Variants in SKAP2 observed in about 807,000 individuals in gnomAD.
SKAP2 encodes src kinase-associated phosphoprotein 2.
Under a neutral mutation model 54.9 loss-of-function variants are expected in SKAP2, and 28 were observed. The observed-to-expected ratio is 0.51, with a 90% CI of 0.38 to 0.70. The LOEUF (loss-of-function observed/expected upper bound fraction) is 0.70, where lower values mean the gene tolerates loss of function less well. Among genes scored for constraint, SKAP2 ranks in the 30% least tolerant of loss-of-function variants. The probability of loss-of-function intolerance (pLI) is 0.00; values close to 1 mark genes in which losing one functional copy is unlikely to be tolerated. For missense variants in SKAP2, 356 were observed against 424.1 expected (o/e 0.84, Z 1.41); for synonymous variants, 137 against 134.3 (o/e 1.02, Z -0.14).
chr7:26,735,836 C>T (rs1264435885), intron 6 of SKAP2, among the ~76,000 whole-genome samples: 1 of 152,070 alleles, frequency 6.6e-6, no homozygotes, highest in African/African-American at 2.4e-5. Context: ...CGGGATCATG[C>T]CAAACAAGTA....
At chr7:26,723,815 T>C (rs770997258) in intron 9 of SKAP2, among the ~76,000 whole-genome samples, 2 of 152,166 alleles carry the variant, frequency 1.3e-5, no homozygotes, top group African/African-American at 2.4e-5. Flanking sequence ...TTTAAAAGGA[T>C]GTAATGGCAG....
intron 9 of SKAP2, among the ~76,000 whole-genome samples, chr7:26,720,057 C>T (rs78655176): frequency 5.8e-5 from 7 of 121,048 alleles, no homozygotes; most frequent in Non-Finnish European, 1.3e-4. Flanking sequence ...CTGTAACACA[C>T]ACACACACAC....
At chr7:26,768,186 G>A (rs1297357025) in intron 4 of SKAP2, among the ~76,000 whole-genome samples, 3 of 151,968 alleles carry the variant, frequency 2.0e-5, no homozygotes, top group Non-Finnish European at 4.4e-5. Flanking sequence ...TCTTCCTGTT[G>A]CATGGATCCC....
downstream of SKAP2, among the ~76,000 whole-genome samples, chr7:26,665,084 C>T (rs1786081606): frequency 6.6e-6 from 1 of 152,162 alleles, no homozygotes; most frequent in African/African-American, 2.4e-5. Flanking sequence ...AAACTTCCCA[C>T]TTACTTGCAC....
chr7:26,855,880 A>G (rs1785152085), intron 1 of SKAP2, among the ~76,000 whole-genome samples: 1 of 152,146 alleles, frequency 6.6e-6, no homozygotes, highest in Non-Finnish European at 1.5e-5. Flanking sequence ...GCTATAAATC[A>G]TTGATTATTT....
intron 4 of SKAP2, among the ~76,000 whole-genome samples, chr7:26,764,635 T>G (rs1230125951): frequency 1.3e-5 from 2 of 152,176 alleles, no homozygotes; most frequent in African/African-American, 4.8e-5. Context: ...GGGTTACATG[T>G]ACAGAATGTG....
intron 4 of SKAP2, among the ~76,000 whole-genome samples, chr7:26,798,512 CG>C (rs1211329790): frequency 6.6e-6 from 1 of 151,784 alleles, no homozygotes; most frequent in African/African-American, 2.4e-5. Context: ...GAAATGCAAC[CG>C]GAAGTACTTC....
chr7:26,732,794 T>C (rs1262149690), intron 6 of SKAP2, among the ~76,000 whole-genome samples: 1 of 152,188 alleles, frequency 6.6e-6, no homozygotes, highest in Non-Finnish European at 1.5e-5. Flanking sequence ...TTGAAATATA[T>C]CTCTGGGGTT....
chr7:26,673,360 G>A (rs568328310), intron 11 of SKAP2, among the ~76,000 whole-genome samples: 1 of 152,138 alleles, frequency 6.6e-6, no homozygotes, highest in African/African-American at 2.4e-5. Flanking sequence ...AACCATTCTA[G>A]TCAATTTATA....
chr7:26,684,829 A>G lies in SKAP2; in HGVS notation c.894T>C (p.Tyr298=). Residue 298 remains tyrosine, a synonymous_variant, in exon 11 of 13, where the codon TAT becomes TAC. Coordinates refer to ENST00000345317, the MANE Select transcript of SKAP2 (RefSeq NM_003930.5). ...CCCACAATCCCTGGTAAAAATTAGC[A>G]TAATCAGTGCTCTTATCCCCTAGGA... ...HHTSGDKSTD[Y]ANFYQGLWDC... The G allele has an allele frequency of 6.2e-7, 1 of 1,609,388 alleles. No homozygotes were observed. The highest frequency in any genetic ancestry group is 8.5e-7 in the Non-Finnish European group (1 of 1,175,980).
intron 4 of SKAP2, among the ~76,000 whole-genome samples, chr7:26,771,264 G>A (rs997800222): frequency 2.0e-5 from 3 of 152,080 alleles, no homozygotes; most frequent in Non-Finnish European, 4.4e-5. Flanking sequence ...AGGTACACTC[G>A]CCTATTGTAA....
At chr7:26,698,659 C>T (rs1424398886) in intron 9 of SKAP2, among the ~76,000 whole-genome samples, 1 of 152,200 alleles carries the variant, frequency 6.6e-6, no homozygotes, top group Non-Finnish European at 1.5e-5. Context: ...GCGTAAGAAT[C>T]TGAGTGTTGA....
In SKAP2 at chr7:26,726,779, T is replaced by C; in HGVS notation, c.594+103A>G. The stretch of plus-strand genomic sequence containing the variant: ...TATTTAAACATCAGTATTTTTATTA[T>C]TGTTAACATGTCAAGGAAAGTATTA... On this transcript the variant is annotated intron_variant, in intron 7 of 12. Transcript: ENST00000345317. The C allele has an allele frequency of 7.5e-6, 7 of 929,994 alleles. No individual in the cohort carries two copies. In the South Asian group the frequency reaches 1.5e-4, roughly 19 times the overall value. 57.6% of individuals were successfully genotyped at this position (929,994 alleles called of 1,614,324 possible). A position where few individuals can be genotyped will look rare whatever the true frequency, so the allele number is the denominator to read the frequency against.
In SKAP2 at chr7:26,667,154, T is replaced by G. The variant is rs762031146; in HGVS notation, c.*2512A>C. 2 of 152,104 alleles carry G rather than the reference T, an allele frequency of 1.3e-5. No individual in the cohort carries two copies. The highest frequency in any genetic ancestry group is 2.4e-5 in the African/African-American group (1 of 41,418). 9.4% of individuals were successfully genotyped at this position (152,104 alleles called of 1,614,324 possible). A position where few individuals can be genotyped will look rare whatever the true frequency, so the allele number is the denominator to read the frequency against. On this transcript the variant is annotated 3_prime_UTR_variant, in exon 13 of 13. Transcript: ENST00000345317. Reference sequence around the variant, plus strand: ...GATCTAATGGCAATAGAGTACAAATTCAGTACAGAGCAAATAATCAAGCAA... The same window carrying G: ...GATCTAATGGCAATAGAGTACAAATGCAGTACAGAGCAAATAATCAAGCAA...
chr7:26,724,535 A>G (rs1392740417), intron 9 of SKAP2, among the ~76,000 whole-genome samples: 6 of 152,154 alleles, frequency 3.9e-5, no homozygotes, highest in Non-Finnish European at 1.5e-5. Context: ...TTTGAAATCA[A>G]TTTTAAAGGT....
intron 4 of SKAP2, among the ~76,000 whole-genome samples, chr7:26,782,501 C>T (rs1338435600): frequency 6.6e-6 from 1 of 152,126 alleles, no homozygotes; most frequent in African/African-American, 2.4e-5. Context: ...ATATTAAAAC[C>T]TAACCCCCAA....
intron 11 of SKAP2, among the ~76,000 whole-genome samples, chr7:26,681,338 G>A (rs1484502235): frequency 6.6e-6 from 1 of 152,170 alleles, no homozygotes; most frequent in African/African-American, 2.4e-5. Flanking sequence ...CAGCTACTTG[G>A]GAGGCTGAGG....
At chr7:26,789,420 T>C (rs1323334266) in intron 4 of SKAP2, among the ~76,000 whole-genome samples, 1 of 152,202 alleles carries the variant, frequency 6.6e-6, no homozygotes, top group Non-Finnish European at 1.5e-5. Context: ...CCAATTTTGT[T>C]TTAAACAGGA....
At chr7:26,787,118 T>C (rs565921919) in intron 4 of SKAP2, among the ~76,000 whole-genome samples, 1 of 152,310 alleles carries the variant, frequency 6.6e-6, no homozygotes, top group Non-Finnish European at 1.5e-5. Flanking sequence ...GAAGCTAAGG[T>C]CTTCGTTTGA....
Sources: gnomAD v4.1 joint callset for allele counts (sites outside exome capture counted in the v4.1 genomes callset) on GRCh38, gnomAD v4.1.1 for gene constraint, MANE v1.5 for transcripts, NCBI Gene and HGNC (gene_info 2026-07-23, HGNC 2026-07-21) for gene names.